ERBB4: variants seen among roughly 807,000 people sequenced by gnomAD.
ERBB4 encodes the protein receptor tyrosine-protein kinase erbB-4.
A neutral mutation model predicts 158.0 loss-of-function variants in ERBB4; 42 were observed. The ratio of observed to expected loss-of-function variants is 0.27; its 90% confidence interval spans 0.21 to 0.34. ERBB4 has a LOEUF of 0.34. Ranked by LOEUF, ERBB4 falls within the 10% of genes least tolerant of loss-of-function variation. The pLI is 1.00. For synonymous variants in ERBB4, 583 were observed against 558.7 expected (o/e 1.04, Z -0.61); for missense variants, 1,333 against 1,624.1 (o/e 0.82, Z 3.08).
At chr2:211,836,695 C>T (rs546590173) in intron 3 of ERBB4, among the ~76,000 whole-genome samples, 1 of 152,164 alleles carries the variant, frequency 6.6e-6, no homozygotes, top group African/African-American at 2.4e-5. Flanking sequence ...GCCAATCTTG[C>T]AAGCAAGCCC....
chr2:211,970,822 C>T (rs1288904794), intron 2 of ERBB4, among the ~76,000 whole-genome samples: 5 of 152,100 alleles, frequency 3.3e-5, no homozygotes. Flanking sequence ...GGTCTTGGTT[C>T]CTTATCCAGA....
At position 212,239,906 on chromosome 2, in the gene ERBB4, T is replaced by C. The variant is rs1559821109; in HGVS notation, c.83-115003A>G. Among the ~76,000 whole-genome samples, 4 of 152,178 alleles carry C rather than the reference T, an allele frequency of 2.6e-5. No individual in the cohort carries two copies. The South Asian group carries it at 8.3e-4, about 32-fold the overall frequency. On this transcript the variant is annotated intron_variant, in intron 1 of 27. Transcript: ENST00000342788. ...GGAAAATCAAGTTAAATCGAAAATA[T>C]TGTTATACATTAAGAGGCAAACTAA...
chr2:212,122,638 A>T (rs2079791819), intron 2 of ERBB4, among the ~76,000 whole-genome samples: 1 of 152,052 alleles, frequency 6.6e-6, no homozygotes, highest in Admixed American at 6.5e-5. Flanking sequence ...TTTTTAATTC[A>T]AAATGGTTCC....
chr2:212,064,343 T>C lies in ERBB4; in HGVS notation c.234+60409A>G, dbSNP rs191930780. 2.6e-3 allele frequency among the ~76,000 whole-genome samples: 390 copies of C among 152,190 alleles called. 1 individual carries two copies. Among genetic ancestry groups the C allele is most frequent in the African/African-American group, 9.0e-3 (374 of 41,542 alleles). On this transcript the variant is annotated intron_variant, in intron 2 of 27. Transcript: ENST00000342788. ...TACATGGATGCCATGCTAAATAATT[T>C]TGACTCTGTCCTACAGATGATGAGG...
chr2:211,602,013 T>A (rs1387432579), intron 19 of ERBB4, among the ~76,000 whole-genome samples: 1 of 152,046 alleles, frequency 6.6e-6, no homozygotes, highest in African/African-American at 2.4e-5. Context: ...AAAGAGGGCA[T>A]TATGTTAAGA....
chr2:212,017,927 T>C (rs1304755715), intron 2 of ERBB4, among the ~76,000 whole-genome samples: 2 of 152,146 alleles, frequency 1.3e-5, no homozygotes, highest in South Asian at 2.1e-4. Context: ...AAAGATAATG[T>C]TTTAATGTAG....
In ERBB4 at chr2:211,776,639, C is replaced by T. The variant is rs529278760; in HGVS notation, c.556+11386G>A. On this transcript the variant is annotated intron_variant, in intron 4 of 27. Coordinates refer to ENST00000342788, the MANE Select transcript of ERBB4 (RefSeq NM_005235.3). ...TAAGCTATACTAACTGCATGGAATACGTAAGTGAAAATTAAAATATGAGAA... is the reference window on the plus strand; with the variant it reads ...TAAGCTATACTAACTGCATGGAATATGTAAGTGAAAATTAAAATATGAGAA... Among the ~76,000 whole-genome samples the T allele has an allele frequency of 1.2e-4, 18 of 152,104 alleles. No individual in the cohort carries two copies. The East Asian group carries it at 1.9e-3, about 16-fold the overall frequency.
intron 1 of ERBB4, among the ~76,000 whole-genome samples, chr2:212,469,856 A>C (rs1202221786): frequency 6.6e-6 from 1 of 152,114 alleles, no homozygotes; most frequent in Non-Finnish European, 1.5e-5. Context: ...CACATCCTGC[A>C]CCTATTCCTG....
chr2:212,202,496 G>A lies in ERBB4; in HGVS notation c.83-77593C>T, dbSNP rs373368710. Among the ~76,000 whole-genome samples, 28 of 152,082 alleles carry A rather than the reference G, an allele frequency of 1.8e-4. No homozygotes were observed. The East Asian group carries it at 5.0e-3, about 27-fold the overall frequency. ...CCCAAGTAGCTGGGACTACAGGCAT[G>A]AGCCACCATGTCTGGGTATTTTTTG... On this transcript the variant is annotated intron_variant, in intron 1 of 27. Coordinates refer to ENST00000342788, the MANE Select transcript of ERBB4 (RefSeq NM_005235.3).
intron 16 of ERBB4, among the ~76,000 whole-genome samples, chr2:211,640,903 T>C (rs948801849): frequency 3.3e-5 from 5 of 152,074 alleles, no homozygotes; most frequent in African/African-American, 7.2e-5. Context: ...CCCATGCCTA[T>C]GGGAATATAA....
At chr2:211,470,279 T>C (rs2064799581) in intron 20 of ERBB4, among the ~76,000 whole-genome samples, 1 of 152,092 alleles carries the variant, frequency 6.6e-6, no homozygotes, top group Non-Finnish European at 1.5e-5. Context: ...GCTACATTCT[T>C]AAAAAGAAAA....
intron 1 of ERBB4, among the ~76,000 whole-genome samples, chr2:212,337,926 T>C (rs572329280): frequency 6.6e-6 from 1 of 152,222 alleles, no homozygotes; most frequent in Admixed American, 6.6e-5. Flanking sequence ...CTCATAAATC[T>C]TCTCCGGGGA....
At chr2:211,822,437 T>A (rs1461877596) in intron 3 of ERBB4, among the ~76,000 whole-genome samples, 2 of 152,072 alleles carry the variant, frequency 1.3e-5, no homozygotes, top group Non-Finnish European at 2.9e-5. Context: ...TTAACTTTTT[T>A]AACTGAAAAA....
intron 3 of ERBB4, among the ~76,000 whole-genome samples, chr2:211,858,332 C>A (rs1449660485): frequency 6.6e-6 from 1 of 152,144 alleles, no homozygotes; most frequent in Non-Finnish European, 1.5e-5. Flanking sequence ...AGTTCCATAA[C>A]CAAAGTTAAT....
chr2:211,950,155 C>A (rs922512434), intron 2 of ERBB4, among the ~76,000 whole-genome samples: 1 of 152,112 alleles, frequency 6.6e-6, no homozygotes, highest in East Asian at 1.9e-4. Context: ...TTGCAAATAA[C>A]CCCAAGTCTT....
intron 1 of ERBB4, among the ~76,000 whole-genome samples, chr2:212,407,028 T>C (rs1054482920): frequency 6.6e-6 from 1 of 152,026 alleles, no homozygotes; most frequent in African/African-American, 2.4e-5. Flanking sequence ...TTATCTTCAT[T>C]TGGAAGCCTT....
chr2:211,414,979 G>A (rs1005428783), intron 25 of ERBB4, among the ~76,000 whole-genome samples: 2 of 151,694 alleles, frequency 1.3e-5, no homozygotes, highest in Non-Finnish European at 2.9e-5. Flanking sequence ...TAGTACTTGG[G>A]TTATAGTGAG....
intron 1 of ERBB4, among the ~76,000 whole-genome samples, chr2:212,178,522 T>C (rs2081751364): frequency 2.6e-5 from 4 of 151,768 alleles, no homozygotes; most frequent in Admixed American, 2.6e-4. Flanking sequence ...TTCAGTAACT[T>C]TTATAATTTA....
At chr2:212,004,358 G>T (rs909369654) in intron 2 of ERBB4, among the ~76,000 whole-genome samples, 1 of 152,124 alleles carries the variant, frequency 6.6e-6, no homozygotes, top group African/African-American at 2.4e-5. Flanking sequence ...ATGCTAGAAA[G>T]AAATCTCCTT....
Sources: gnomAD v4.1 joint callset for allele counts (sites outside exome capture counted in the v4.1 genomes callset) on GRCh38, gnomAD v4.1.1 for gene constraint, MANE v1.5 for transcripts, NCBI Gene and HGNC (gene_info 2026-07-23, HGNC 2026-07-21) for gene names.